Variants in STX18 observed in about 807,000 individuals in gnomAD.
The protein encoded by STX18 is syntaxin 18, also known as syntaxin-18.
A neutral mutation model predicts 50.1 loss-of-function variants in STX18; 40 were observed. The observed-to-expected ratio is 0.80, with a 90% CI of 0.62 to 1.04. The LOEUF is 1.04. Ranked by LOEUF, STX18 falls within the 50% of genes least tolerant of loss-of-function variation. The pLI, the probability that STX18 is intolerant of heterozygous loss-of-function variation, is 0.00. For missense variants in STX18, 410 were observed against 415.8 expected (o/e 0.99, Z 0.12); for synonymous variants, 158 against 151.8 (o/e 1.04, Z -0.30).
intron 1 of STX18, among the ~76,000 whole-genome samples, chr4:4,492,746 C>T (rs1476077254): frequency 6.6e-6 from 1 of 152,140 alleles, no homozygotes; most frequent in Non-Finnish European, 1.5e-5. Flanking sequence ...GATTTAGAAA[C>T]CAGTCGAGGA....
rs117379606 is a variant in STX18, at chr4:4,455,731, G to A, written c.497+1460C>T. On this transcript the variant is annotated intron_variant, in intron 5 of 10. Coordinates refer to ENST00000306200, the MANE Select transcript of STX18 (RefSeq NM_016930.4). ...TCCTTGGGCAATGAGTTACTAATGA[G>A]CTTCCCTGGTAGACAACACTTCACG... is the stretch of plus-strand genomic sequence containing the variant. 2.1e-3 allele frequency among the ~76,000 whole-genome samples: 326 copies of A among 152,284 alleles called. 6 individuals are homozygous for A. The highest frequency in any genetic ancestry group is 0.011 in the East Asian group (59 of 5,188).
At chr4:4,444,530 A>G (rs28594247) in intron 5 of STX18, among the ~76,000 whole-genome samples, 47,218 of 152,114 alleles carry the variant, frequency 0.31, 9,262 homozygotes, top group African/African-American at 0.56. Context: ...CACATATTGG[A>G]AGAATTAAGT....
chr4:4,524,265 C>T (rs1730648769), intron 1 of STX18, among the ~76,000 whole-genome samples: 1 of 152,206 alleles, frequency 6.6e-6, no homozygotes, highest in African/African-American at 2.4e-5. Context: ...ATGCAATGTA[C>T]ATCTCTTGTT....
intron 1 of STX18, among the ~76,000 whole-genome samples, chr4:4,489,770 G>A (rs1229582046): frequency 2.0e-5 from 3 of 151,832 alleles, no homozygotes; most frequent in Middle Eastern, 3.2e-3. Context: ...AACATTTGCC[G>A]GAAAAAAATG....
At chr4:4,524,953 GAAGAAAAGAA>G (rs372581078) in intron 1 of STX18, among the ~76,000 whole-genome samples, 2 of 151,966 alleles carry the variant, frequency 1.3e-5, no homozygotes, top group African/African-American at 4.8e-5. Context: ...GATAGGATAC[GAAGAAAAGAA>G]AAGAAAAGAA....
intron 7 of STX18, among the ~76,000 whole-genome samples, chr4:4,431,480 G>T (rs1423428688): frequency 6.6e-6 from 1 of 152,048 alleles, no homozygotes; most frequent in Non-Finnish European, 1.5e-5. Flanking sequence ...CCCTCCAGTG[G>T]AGTGTACCCC....
intron 6 of STX18, chr4:4,437,513 A>C (rs1725852302): frequency 1.4e-6 from 1 of 722,286 alleles, no homozygotes; most frequent in African/African-American, 1.9e-5. Context: ...AATATGCAAA[A>C]ATTTGAAAAA....
intron 6 of STX18, among the ~76,000 whole-genome samples, chr4:4,436,362 A>C (rs528187214): frequency 4.6e-5 from 7 of 152,296 alleles, no homozygotes; most frequent in East Asian, 1.9e-4. Context: ...TATTTTCCTG[A>C]GATGACATTC....
chr4:4,423,697 G>GAC (rs397752831), intron 8 of STX18, 110 bp from the exon 9 acceptor site: 2 of 1,082,520 alleles, frequency 1.8e-6, no homozygotes, highest in African/African-American at 3.2e-5. Flanking sequence ...GGGAGAGACA[G>GAC]GGGGCACACT....
chr4:4,519,098 TG>T (rs1730406041), intron 1 of STX18, among the ~76,000 whole-genome samples: 2 of 152,058 alleles, frequency 1.3e-5, no homozygotes, highest in Admixed American at 1.3e-4. Context: ...CATAAGCCAA[TG>T]CAAAATCACG....
intron 2 of STX18, among the ~76,000 whole-genome samples, chr4:4,461,356 T>A (rs965782918): frequency 6.6e-6 from 1 of 152,190 alleles, no homozygotes; most frequent in Non-Finnish European, 1.5e-5. Context: ...AGTGGAGACA[T>A]TATTTTTAAT....
intron 7 of STX18, among the ~76,000 whole-genome samples, chr4:4,427,823 A>G (rs1011618453): frequency 2.2e-4 from 33 of 152,212 alleles, no homozygotes; most frequent in African/African-American, 8.0e-4. Context: ...CAGGAGTGGG[A>G]TCAGATGCTG....
intron 5 of STX18, among the ~76,000 whole-genome samples, chr4:4,440,904 G>A (rs766545660): frequency 6.6e-6 from 1 of 152,208 alleles, no homozygotes; most frequent in Non-Finnish European, 1.5e-5. Context: ...TTGGCTGGGT[G>A]GTTCTGGCTC....
At chr4:4,510,392 G>A (rs943193273) in intron 1 of STX18, among the ~76,000 whole-genome samples, 1 of 152,142 alleles carries the variant, frequency 6.6e-6, no homozygotes, top group Non-Finnish European at 1.5e-5. Flanking sequence ...TTAACTGCAG[G>A]TACCTGCTAC....
At chr4:4,505,435 G>C (rs1353925406) in intron 1 of STX18, among the ~76,000 whole-genome samples, 1 of 152,148 alleles carries the variant, frequency 6.6e-6, no homozygotes, top group Non-Finnish European at 1.5e-5. Context: ...AGCATCAAGA[G>C]GGAGTGTCAT....
At chr4:4,457,840 A>G (rs759124503) in intron 3 of STX18, among the ~76,000 whole-genome samples, 1 of 152,224 alleles carries the variant, frequency 6.6e-6, no homozygotes, top group Non-Finnish European at 1.5e-5. Context: ...TGTTTAAACA[A>G]CTGAAATCAC....
At chr4:4,473,831 C>G (rs1728046436) in intron 1 of STX18, among the ~76,000 whole-genome samples, 1 of 152,160 alleles carries the variant, frequency 6.6e-6, no homozygotes, top group African/African-American at 2.4e-5. Context: ...ATACATTCGA[C>G]AGTGGTGAAT....
chr4:4,499,471 G>A (rs573531648), intron 1 of STX18: 7 of 984,482 alleles, frequency 7.1e-6, no homozygotes, highest in African/African-American at 1.7e-5. Flanking sequence ...TAGAAAAACA[G>A]CATTTCATAT....
chr4:4,516,992 A>G (rs1730297311), intron 1 of STX18, among the ~76,000 whole-genome samples: 1 of 152,214 alleles, frequency 6.6e-6, no homozygotes. Flanking sequence ...TTGTATGAAC[A>G]TTTGTGGCAT....
Sources: allele counts gnomAD v4.1 joint callset (sites outside exome capture counted in the v4.1 genomes callset), GRCh38; gene constraint gnomAD v4.1.1; transcripts MANE v1.5; gene names NCBI Gene and HGNC (gene_info 2026-07-23, HGNC 2026-07-21).